WDTC1: variants seen among roughly 807,000 people sequenced by gnomAD.
WDTC1 encodes WD and tetratricopeptide repeats 1, also known as WD and tetratricopeptide repeats protein 1.
WDTC1 carries 12 observed loss-of-function variants against 76.0 expected under a neutral mutation model. That is an observed-to-expected ratio of 0.16 (90% CI 0.10 to 0.26). The LOEUF is 0.26. WDTC1 is among the 10% of genes least tolerant of loss of function. The pLI is 1.00. For synonymous variants in WDTC1, 326 were observed against 350.8 expected, an observed-to-expected ratio of 0.93 and a Z score of 0.79; for missense variants, 511 against 908.8, an observed-to-expected ratio of 0.56 and a Z score of 5.63.
intron 1 of WDTC1, among the ~76,000 whole-genome samples, chr1:27,253,757 T>A (rs2012179853): frequency 6.6e-6 from 1 of 152,202 alleles, no homozygotes; most frequent in Non-Finnish European, 1.5e-5. Context: ...TTAGCAGAAC[T>A]GAACATTATG....
At chr1:27,249,993 T>C (rs1204890812) in intron 1 of WDTC1, among the ~76,000 whole-genome samples, 1 of 152,168 alleles carries the variant, frequency 6.6e-6, no homozygotes, top group Non-Finnish European at 1.5e-5. Flanking sequence ...CATCCTATAC[T>C]CTGCCCCTGC....
At chr1:27,299,575 G>A (rs2013780740) in intron 12 of WDTC1, among the ~76,000 whole-genome samples, 1 of 152,188 alleles carries the variant, frequency 6.6e-6, no homozygotes, top group Non-Finnish European at 1.5e-5. Context: ...GAGCTTGTTT[G>A]CAGAACAGCA....
At chr1:27,263,334 C>G in intron 3 of WDTC1, 99 bp downstream of exon 3, 1 of 1,144,148 alleles carries the variant, frequency 8.7e-7, no homozygotes, top group Non-Finnish European at 1.2e-6. Flanking sequence ...ACAAGTGTTT[C>G]TCTGCAGGCC....
At chr1:27,235,361 GCT>G (rs545828319) in intron 1 of WDTC1, among the ~76,000 whole-genome samples, 2 of 150,962 alleles carry the variant, frequency 1.3e-5, no homozygotes, top group Admixed American at 6.6e-5. Flanking sequence ...TTAGCTTCTC[GCT>G]CTCTCTCTTT....
At chr1:27,269,164 C>CAA (rs34447091) in intron 3 of WDTC1, among the ~76,000 whole-genome samples, 2,659 of 58,702 alleles carry the variant, frequency 0.045, 524 homozygotes, top group African/African-American at 0.087. Flanking sequence ...CCTGTTTCTC[C>CAA]AAAAAAAAAA....
At chr1:27,245,088 A>G (rs1399328693) in intron 1 of WDTC1, among the ~76,000 whole-genome samples, 1 of 151,640 alleles carries the variant, frequency 6.6e-6, no homozygotes, top group Non-Finnish European at 1.5e-5. Flanking sequence ...AAGACCCTAG[A>G]TCTCCCAGTC....
At chr1:27,275,098 T>A (rs1314177986) in intron 3 of WDTC1, among the ~76,000 whole-genome samples, 2 of 152,246 alleles carry the variant, frequency 1.3e-5, no homozygotes, top group Non-Finnish European at 2.9e-5. Context: ...TTCTCTTGCC[T>A]TATTAGTTTT....
At chr1:27,261,900 T>A (rs2012486207) in intron 2 of WDTC1, among the ~76,000 whole-genome samples, 1 of 152,074 alleles carries the variant, frequency 6.6e-6, no homozygotes, top group African/African-American at 2.4e-5. Flanking sequence ...TTTGACAAAT[T>A]AAGTGCTTAA....
intron 3 of WDTC1, among the ~76,000 whole-genome samples, chr1:27,269,493 G>A (rs1259317632): frequency 1.3e-5 from 2 of 151,710 alleles, no homozygotes; most frequent in Non-Finnish European, 2.9e-5. Context: ...AAGTGTGGAT[G>A]GGCTATTCAT....
chr1:27,268,895 A>G (rs2012764928), intron 3 of WDTC1, among the ~76,000 whole-genome samples: 3 of 148,994 alleles, frequency 2.0e-5, no homozygotes, highest in Non-Finnish European at 3.0e-5. Flanking sequence ...TTGTATTTTT[A>G]GTAGAGATGG....
chr1:27,236,319 G>A (rs1407134489), intron 1 of WDTC1, among the ~76,000 whole-genome samples: 1 of 152,176 alleles, frequency 6.6e-6, no homozygotes, highest in Non-Finnish European at 1.5e-5. Flanking sequence ...TTTCTTCATT[G>A]TAGGTTGTTG....
rs750787129 is a variant in WDTC1 at position 27,301,059 on chromosome 1, T to C, written c.1233-167T>C. ...TCCTTAACCATACTCTGTCTCCTGA[T>C]GGGGGAGGCCTGGGCTGAGCCAGGA... On this transcript the variant is annotated intron_variant, in intron 12 of 15. Transcript: ENST00000319394. The surrounding 1 kb of genome is among the most constrained non-coding windows in gnomAD (Gnocchi z 5.8). Among the ~76,000 whole-genome samples, 6 of 152,140 alleles carry C rather than the reference T, an allele frequency of 3.9e-5. No homozygotes were observed. The highest frequency in any genetic ancestry group is 3.9e-4 in the Admixed American group (6 of 15,274).
chr1:27,298,895 C>T (rs2013760445), intron 12 of WDTC1, among the ~76,000 whole-genome samples: 1 of 152,228 alleles, frequency 6.6e-6, no homozygotes, highest in South Asian at 2.1e-4. Flanking sequence ...TGCAACTCGG[C>T]AGGCCAGAGA....
At chr1:27,234,586 G>C (rs1050959006), upstream of WDTC1, 1 of 391,316 alleles carries the variant, frequency 2.6e-6, no homozygotes, top group African/African-American at 2.1e-5. Context: ...CGCCGGCTGC[G>C]AGGCGCAGGG....
At chr1:27,269,990 G>A (rs764722047) in intron 3 of WDTC1, among the ~76,000 whole-genome samples, 3 of 151,594 alleles carry the variant, frequency 2.0e-5, no homozygotes, top group South Asian at 2.1e-4. Context: ...AGGCTGGAGC[G>A]CAGTGATGCG....
chr1:27,290,743 G>C (rs529510952), intron 6 of WDTC1, among the ~76,000 whole-genome samples: 1 of 152,272 alleles, frequency 6.6e-6, no homozygotes, highest in East Asian at 1.9e-4. Flanking sequence ...TCCCCAGCCT[G>C]CTTTAATCTG....
intron 14 of WDTC1, 32 bp from the exon 15 acceptor site, chr1:27,304,969 C>A (rs1404203547): frequency 1.3e-6 from 2 of 1,594,082 alleles, no homozygotes; most frequent in Non-Finnish European, 1.7e-6. Flanking sequence ...CAGTACCCCA[C>A]CTGACCTCCC....
chr1:27,289,608 C>G, intron 6 of WDTC1, among the ~76,000 whole-genome samples: 1 of 152,204 alleles, frequency 6.6e-6, no homozygotes, highest in Non-Finnish European at 1.5e-5. Flanking sequence ...GCTGCAATCT[C>G]GGCACTTTGG....
intron 3 of WDTC1, among the ~76,000 whole-genome samples, chr1:27,265,387 A>C (rs2012628419): frequency 6.6e-6 from 1 of 152,234 alleles, no homozygotes; most frequent in Non-Finnish European, 1.5e-5. Context: ...GCCTTGGAAA[A>C]TATAGTTATT....
Sources: gnomAD v4.1 joint callset for allele counts (sites outside exome capture counted in the v4.1 genomes callset) on GRCh38, gnomAD v4.1.1 for gene constraint, Gnocchi (gnomAD v3.1) non-coding constraint, MANE v1.5 for transcripts, NCBI Gene and HGNC (gene_info 2026-07-23, HGNC 2026-07-21) for gene names.